DPYSL3: variants seen among roughly 807,000 people sequenced by gnomAD.
The protein encoded by DPYSL3 is dihydropyrimidinase-related protein 3.
Under a neutral mutation model 66.1 loss-of-function variants are expected in DPYSL3, and 16 were observed. The observed-to-expected ratio is 0.24, with a 90% CI of 0.16 to 0.37. The LOEUF is 0.37. DPYSL3 is among the 10% of genes least tolerant of loss of function. The pLI is 1.00. For synonymous variants in DPYSL3, 338 were observed against 345.1 expected (o/e 0.98, Z 0.23); for missense variants, 738 against 916.2 (o/e 0.81, Z 2.51).
At chr5:147,489,835 AAAAGTT>A (rs1753388847) in intron 1 of DPYSL3, among the ~76,000 whole-genome samples, 1 of 152,050 alleles carries the variant, frequency 6.6e-6, no homozygotes. Context: ...GTGAGGGCTG[AAAAGTT>A]ACCGATGGAT....
At chr5:147,397,054 T>C (rs902963899) in intron 12 of DPYSL3, among the ~76,000 whole-genome samples, 1 of 147,994 alleles carries the variant, frequency 6.8e-6, no homozygotes, top group African/African-American at 2.4e-5. Flanking sequence ...TATTATTCTA[T>C]ATTTATATAT....
At chr5:147,412,438 CCT>C (rs200890708) in intron 6 of DPYSL3, among the ~76,000 whole-genome samples, 168 bp downstream of exon 6, 1 of 151,014 alleles carries the variant, frequency 6.6e-6, no homozygotes, top group Non-Finnish European at 1.5e-5. Flanking sequence ...TCTACATTCC[CCT>C]CTGTTTCTTC....
chr5:147,401,676 G>T lies in DPYSL3; in HGVS notation c.1174C>A (p.Pro392Thr). 1 of 1,614,100 alleles carries T rather than the reference G, an allele frequency of 6.2e-7. No homozygotes were observed. Among genetic ancestry groups the T allele is most frequent in the Non-Finnish European group, 8.5e-7 (1 of 1,180,018 alleles). Residue 392 changes from proline to threonine, a missense_variant, in exon 9 of 14, where the codon CCC becomes ACC. Pro to Thr is a conservative substitution (Grantham distance 38). Coordinates refer to ENST00000343218, the MANE Select transcript of DPYSL3 (RefSeq NM_001197294.2). ...TCTATGCCGAGGCTGGCAGTGATGG[G>T]CTCACCAAAGACTACATTTCCTAGA... ...RKKGNVVFGE[P>T]ITASLGIDGT...
At chr5:147,456,705 C>T (rs2126404860) in intron 1 of DPYSL3, among the ~76,000 whole-genome samples, 1 of 151,300 alleles carries the variant, frequency 6.6e-6, no homozygotes. Context: ...ATTCTCCCGC[C>T]TCATCCTCCT....
chr5:147,500,172 A>T (rs866652434), intron 1 of DPYSL3, among the ~76,000 whole-genome samples: 68 of 152,344 alleles, frequency 4.5e-4, no homozygotes, highest in African/African-American at 1.5e-3. Flanking sequence ...ATAATTGGTG[A>T]GCTGGACTAT....
At chr5:147,407,179 C>T (rs898319044) in intron 7 of DPYSL3, among the ~76,000 whole-genome samples, 4 of 152,154 alleles carry the variant, frequency 2.6e-5, no homozygotes, top group African/African-American at 9.7e-5. Context: ...CCCCCAGGAC[C>T]TCTGTCCTGG....
intron 2 of DPYSL3, among the ~76,000 whole-genome samples, chr5:147,423,662 T>G (rs1232944747): frequency 6.6e-6 from 1 of 151,972 alleles, no homozygotes; most frequent in African/African-American, 2.4e-5. Flanking sequence ...ACTAACAGTG[T>G]CAGAATTGCT....
At chr5:147,406,930 C>T (rs1341275655) in intron 7 of DPYSL3, among the ~76,000 whole-genome samples, 3 of 152,202 alleles carry the variant, frequency 2.0e-5, no homozygotes, top group Non-Finnish European at 4.4e-5. Context: ...TGGCCTCCCC[C>T]AAGCTGCACT....
intron 1 of DPYSL3, among the ~76,000 whole-genome samples, chr5:147,425,653 A>G (rs1752180940): frequency 6.6e-6 from 1 of 152,226 alleles, no homozygotes; most frequent in East Asian, 1.9e-4. Context: ...TGCTTTAATT[A>G]TGAGAAAAAT....
At chr5:147,506,328 C>T (rs553483787) in intron 1 of DPYSL3, among the ~76,000 whole-genome samples, 4 of 152,088 alleles carry the variant, frequency 2.6e-5, no homozygotes, top group South Asian at 2.1e-4. Context: ...ACATCCTGGC[C>T]TAACAGCAGC....
chr5:147,399,658 T>C (rs12655364), intron 10 of DPYSL3, among the ~76,000 whole-genome samples: 67,499 of 152,084 alleles, frequency 0.44, 15,383 homozygotes, highest in East Asian at 0.55. Context: ...AAAAGAACCT[T>C]ACCCAAATGA....
intron 8 of DPYSL3, among the ~76,000 whole-genome samples, chr5:147,403,398 G>T (rs1758247346): frequency 6.6e-6 from 1 of 151,798 alleles, no homozygotes; most frequent in South Asian, 2.1e-4. Flanking sequence ...GTTTAGCATG[G>T]AAGAGTAAAA....
chr5:147,462,554 G>A (rs1752949190), intron 1 of DPYSL3, among the ~76,000 whole-genome samples: 1 of 152,098 alleles, frequency 6.6e-6, no homozygotes, highest in Non-Finnish European at 1.5e-5. Context: ...TCAGAGTAAA[G>A]AACAAATTAT....
chr5:147,430,742 T>C (rs760679224), intron 1 of DPYSL3, among the ~76,000 whole-genome samples: 15 of 152,136 alleles, frequency 9.9e-5, no homozygotes, highest in African/African-American at 1.2e-4. Flanking sequence ...CCCCTAGTCT[T>C]CAACTTAGAG....
At chr5:147,497,137 A>G (rs1267577336) in intron 1 of DPYSL3, among the ~76,000 whole-genome samples, 1 of 152,008 alleles carries the variant, frequency 6.6e-6, no homozygotes, top group African/African-American at 2.4e-5. Context: ...ATTCTCAGCA[A>G]ACTATCACAA....
chr5:147,458,261 C>G (rs1752881052), intron 1 of DPYSL3, among the ~76,000 whole-genome samples: 1 of 152,174 alleles, frequency 6.6e-6, no homozygotes, highest in South Asian at 2.1e-4. Context: ...ACTAAAGAAG[C>G]TGGCTAAATC....
intron 1 of DPYSL3, among the ~76,000 whole-genome samples, chr5:147,485,746 T>G (rs1277433273): frequency 2.0e-5 from 3 of 152,180 alleles, no homozygotes; most frequent in Non-Finnish European, 4.4e-5. Flanking sequence ...AATAAGAAAT[T>G]GGAGTCTCAG....
At chr5:147,463,527 A>C (rs1332826600) in intron 1 of DPYSL3, among the ~76,000 whole-genome samples, 2 of 152,116 alleles carry the variant, frequency 1.3e-5, no homozygotes, top group African/African-American at 4.8e-5. Context: ...GTCAAGATAC[A>C]TGTATTGCAT....
Position 147,391,793 on chromosome 5 carries a change from C to T in DPYSL3, c.*2242G>A, listed in dbSNP as rs976054961. 2.0e-5 allele frequency: 3 copies of T among 152,168 alleles called. No homozygotes were observed. The highest frequency in any genetic ancestry group is 2.0e-4 in the Admixed American group (3 of 15,282). 9.4% of individuals were successfully genotyped at this position (152,168 alleles called of 1,614,324 possible). The stretch of plus-strand genomic sequence containing the variant: ...GAGGCTTCCTGAGCTCATGTTGTTC[C>T]TCCCAAGGGCATTTGGGGGTTGTTC... On this transcript the variant is annotated 3_prime_UTR_variant, in exon 14 of 14. Coordinates refer to ENST00000343218, the MANE Select transcript of DPYSL3 (RefSeq NM_001197294.2).
Sources: allele counts gnomAD v4.1 joint callset (sites outside exome capture counted in the v4.1 genomes callset), GRCh38; gene constraint gnomAD v4.1.1; transcripts MANE v1.5; gene names NCBI Gene and HGNC (gene_info 2026-07-23, HGNC 2026-07-21).